OR6N1: variants seen among roughly 807,000 people sequenced by gnomAD.
OR6N1 encodes the protein olfactory receptor 6N1.
For synonymous variants in OR6N1, 170 were observed against 150.7 expected, an observed-to-expected ratio of 1.13 and a Z score of -0.94; for missense variants, 394 against 371.7, an observed-to-expected ratio of 1.06 and a Z score of -0.49.
At position 158,766,740 on chromosome 1, in the gene OR6N1, C is replaced by T. The variant is rs1571601667; in HGVS notation, c.-18-40G>A. ...TGGAAGGATAGGAAAGAAAGTTGAA[C>T]TATAGGGTTCTAACAAGAAGGCAAC... On this transcript the variant is annotated intron_variant, in intron 1 of 1. Transcript: ENST00000641846. 1.4e-5 allele frequency: 18 copies of T among 1,313,166 alleles called. No homozygotes were observed. In the East Asian group the frequency reaches 4.4e-4, roughly 32 times the overall value. 81.3% of individuals were successfully genotyped at this position (1,313,166 alleles called of 1,614,324 possible). A position where few individuals can be genotyped will look rare whatever the true frequency, so the allele number is the denominator to read the frequency against.
chr1:158,839,328 C>T, the OR6N1 span, among the ~76,000 whole-genome samples: 6 of 152,120 alleles, frequency 3.9e-5, no homozygotes, highest in African/African-American at 1.4e-4. Context: ...GTAATTCTCT[C>T]ATATACACAC....
chr1:158,787,635 T>TCTCTCTCACACACACACA, the OR6N1 span, among the ~76,000 whole-genome samples: 2,191 of 133,918 alleles, frequency 0.016, 33 homozygotes, highest in Non-Finnish European at 0.023. Flanking sequence ...TCTCTCTCTC[T>TCTCTCTCACACACACACA]CACACACACA....
At chr1:158,786,828 T>C in the OR6N1 span, among the ~76,000 whole-genome samples, 1 of 152,002 alleles carries the variant, frequency 6.6e-6, no homozygotes, top group Non-Finnish European at 1.5e-5. Context: ...ACAATGGACT[T>C]TGGGGACTCA....
At chr1:158,825,639 G>A in the OR6N1 span, among the ~76,000 whole-genome samples, 1 of 152,162 alleles carries the variant, frequency 6.6e-6, no homozygotes, top group Non-Finnish European at 1.5e-5. Context: ...ATGCTGGCAA[G>A]GTTACAGAGA....
chr1:158,809,856 C>T, the OR6N1 span, among the ~76,000 whole-genome samples: 12 of 152,158 alleles, frequency 7.9e-5, no homozygotes, highest in African/African-American at 1.7e-4. Flanking sequence ...ATCCTAGGCC[C>T]GTGGTGCCTG....
the OR6N1 span, chr1:158,808,890 C>G: frequency 2.6e-5 from 4 of 152,556 alleles, no homozygotes; most frequent in Admixed American, 6.6e-5. Context: ...AAGCCAGCCA[C>G]CCAACTGGCC....
the OR6N1 span, among the ~76,000 whole-genome samples, chr1:158,838,901 T>A: frequency 6.6e-6 from 1 of 152,202 alleles, no homozygotes; most frequent in East Asian, 1.9e-4. Flanking sequence ...CAATGTGTTT[T>A]TCAGCTTCAG....
upstream of OR6N1, chr1:158,775,663 T>G (rs990159379): frequency 6.6e-5 from 10 of 152,130 alleles, no homozygotes; most frequent in African/African-American, 2.4e-4. Context: ...TTAATCCAAT[T>G]GAGAGATGTT....
upstream of OR6N1, chr1:158,777,188 T>C: frequency 6.2e-7 from 1 of 1,613,842 alleles, no homozygotes; most frequent in Non-Finnish European, 8.5e-7. Context: ...AAGCCACAAG[T>C]CCAACAAGCA....
the OR6N1 span, among the ~76,000 whole-genome samples, chr1:158,834,991 C>G: frequency 6.6e-6 from 1 of 152,118 alleles, no homozygotes; most frequent in Non-Finnish European, 1.5e-5. Context: ...GTCTTTATGC[C>G]AATACCACAC....
chr1:158,792,246 A>G, the OR6N1 span, among the ~76,000 whole-genome samples: 1 of 152,196 alleles, frequency 6.6e-6, no homozygotes, highest in Admixed American at 6.5e-5. Flanking sequence ...TTTGCAAGAA[A>G]TACTTTTTCC....
chr1:158,803,984 A>G, the OR6N1 span, among the ~76,000 whole-genome samples: 2,266 of 152,284 alleles, frequency 0.015, 55 homozygotes, highest in African/African-American at 0.05. Flanking sequence ...CAATACTGTG[A>G]CACCAGTTTT....
chr1:158,828,513 TC>T, the OR6N1 span, among the ~76,000 whole-genome samples: 1 of 152,162 alleles, frequency 6.6e-6, no homozygotes, highest in African/African-American at 2.4e-5. Flanking sequence ...CACATCCAGG[TC>T]ATATTGATGC....
chr1:158,766,417 T>G lies in OR6N1; in HGVS notation c.266A>C (p.Lys89Thr), dbSNP rs1357886962. ...ACACCCAGAGAATGAAATGGTCTTT[T>G]TCTCACTGAGCAAGTTTGCCAGCAT... ...PKMLANLLSE[K>T]KTISFSGCLL... Residue 89 changes from lysine to threonine, a missense_variant, in exon 2 of 2, where the codon AAA becomes ACA. Physicochemically the swap from Lys to Thr is moderately conservative, Grantham distance 78 (BLOSUM62 -1). Coordinates refer to ENST00000641846, the MANE Select transcript of OR6N1 (RefSeq NM_001005185.2). 1 of 1,614,124 alleles carries G rather than the reference T, an allele frequency of 6.2e-7. No individual in the cohort carries two copies. Among genetic ancestry groups the G allele is most frequent in the South Asian group, 1.1e-5 (1 of 91,080 alleles).
At chr1:158,819,138 C>G in the OR6N1 span, among the ~76,000 whole-genome samples, 806 of 152,304 alleles carry the variant, frequency 5.3e-3, 1 homozygote, top group Non-Finnish European at 9.2e-3. Flanking sequence ...GAGACCACCC[C>G]CTCCATGAGT....
the OR6N1 span, among the ~76,000 whole-genome samples, chr1:158,790,976 A>G: frequency 6.6e-6 from 1 of 152,184 alleles, no homozygotes; most frequent in African/African-American, 2.4e-5. Context: ...TTTATCGTAA[A>G]GTGATGCTGG....
At chr1:158,800,485 G>T in the OR6N1 span, among the ~76,000 whole-genome samples, 1 of 152,130 alleles carries the variant, frequency 6.6e-6, no homozygotes, top group Non-Finnish European at 1.5e-5. Flanking sequence ...ATCTGAGCTG[G>T]ATGCTCAGAG....
chr1:158,805,212 G>GA, the OR6N1 span, among the ~76,000 whole-genome samples: 1 of 152,178 alleles, frequency 6.6e-6, no homozygotes, highest in Non-Finnish European at 1.5e-5. Context: ...CTGTATGACA[G>GA]AATGTCAGCC....
the OR6N1 span, among the ~76,000 whole-genome samples, chr1:158,821,169 G>A: frequency 6.6e-6 from 1 of 152,082 alleles, no homozygotes; most frequent in African/African-American, 2.4e-5. Flanking sequence ...GTTTTTCAGA[G>A]CAGTTTTAGA....
Sources: allele counts gnomAD v4.1 joint callset (sites outside exome capture counted in the v4.1 genomes callset), GRCh38; gene constraint gnomAD v4.1.1; transcripts MANE v1.5; gene names NCBI Gene and HGNC (gene_info 2026-07-23, HGNC 2026-07-21).